Variants in CPSF3 observed in about 807,000 individuals in gnomAD.
CPSF3 encodes cleavage and polyadenylation specificity factor subunit 3.
CPSF3 carries 57 observed loss-of-function variants against 84.1 expected under a neutral mutation model. That is an observed-to-expected ratio of 0.68 (90% confidence interval 0.55 to 0.85). The LOEUF (loss-of-function observed/expected upper bound fraction) is 0.85, where lower values mean the gene tolerates loss of function less well. CPSF3 is among the 40% of genes least tolerant of loss of function. The probability of loss-of-function intolerance (pLI) is 0.00; values close to 1 mark genes in which losing one functional copy is unlikely to be tolerated. For synonymous variants in CPSF3, 275 were observed against 278.1 expected (o/e 0.99, Z 0.11); for missense variants, 522 against 838.8 (o/e 0.62, Z 4.66).
At chr2:9,470,799 A>C (rs1032500426) in intron 16 of CPSF3, among the ~76,000 whole-genome samples, 1 of 152,232 alleles carries the variant, frequency 6.6e-6, no homozygotes, top group Non-Finnish European at 1.5e-5. Context: ...AGGTTAAGAT[A>C]ATGTATATAA....
chr2:9,471,554 G>A (rs113744395), intron 17 of CPSF3, 115 bp downstream of exon 17: 22 of 687,812 alleles, frequency 3.2e-5, no homozygotes, highest in African/African-American at 2.9e-4. Flanking sequence ...TTTGCTTCCA[G>A]TGTTTCCAAC....
intron 15 of CPSF3, among the ~76,000 whole-genome samples, chr2:9,466,178 A>ACGCACACACACACGCGCT (rs1277663627): frequency 9.2e-6 from 1 of 108,744 alleles, no homozygotes; most frequent in East Asian, 2.0e-4. Flanking sequence ...CTGTCTCTAC[A>ACGCACACACACACGCGCT]CGCACACACA....
chr2:9,451,632 C>T lies in CPSF3; in HGVS notation c.1396-1281C>T, dbSNP rs372030117. ...TACAAAAATAAGCCAGGCATGGTGG[C>T]GCACATGGTGAGCGATGATCGCACC... On this transcript the variant is annotated intron_variant, in intron 11 of 17. Transcript: ENST00000238112. Among the ~76,000 whole-genome samples, 33 of 151,896 alleles carry T rather than the reference C, an allele frequency of 2.2e-4. 1 individual carries two copies. The South Asian group carries it at 4.0e-3, about 18-fold the overall frequency.
intron 12 of CPSF3, among the ~76,000 whole-genome samples, chr2:9,454,603 C>T (rs1449156037): frequency 2.2e-5 from 3 of 138,230 alleles, no homozygotes; most frequent in South Asian, 2.3e-4. Flanking sequence ...AGTGCAGTGG[C>T]GTGCCGTCTC....
At chr2:9,461,057 T>C (rs541336526) in intron 15 of CPSF3, among the ~76,000 whole-genome samples, 1 of 152,246 alleles carries the variant, frequency 6.6e-6, no homozygotes, top group East Asian at 1.9e-4. Context: ...GCATCTATAA[T>C]ACAAACAAAT....
intron 10 of CPSF3, among the ~76,000 whole-genome samples, chr2:9,444,140 T>TTTTATA (rs1204625520): frequency 9.2e-5 from 12 of 129,884 alleles, no homozygotes; most frequent in Non-Finnish European, 1.8e-4. Flanking sequence ...AATATATATA[T>TTTTATA]TATATATATA....
At chr2:9,447,887 C>T (rs1681178622) in intron 10 of CPSF3, among the ~76,000 whole-genome samples, 1 of 152,174 alleles carries the variant, frequency 6.6e-6, no homozygotes, top group Admixed American at 6.5e-5. Flanking sequence ...CAGAAGTCAG[C>T]CCTTTACAAC....
At chr2:9,456,887 A>T in intron 13 of CPSF3, 46 bp from the exon 14 acceptor site, 1 of 1,170,320 alleles carries the variant, frequency 8.5e-7, no homozygotes, top group Non-Finnish European at 1.2e-6. Flanking sequence ...TCTCTGGAAG[A>T]TTATCAGAAA....
At chr2:9,466,443 C>A (rs901906599) in intron 15 of CPSF3, among the ~76,000 whole-genome samples, 3 of 152,052 alleles carry the variant, frequency 2.0e-5, no homozygotes, top group Admixed American at 6.5e-5. Context: ...CGCACACACA[C>A]AAAATTAGCT....
chr2:9,445,917 G>A (rs778577353), intron 10 of CPSF3, among the ~76,000 whole-genome samples: 10 of 152,164 alleles, frequency 6.6e-5, no homozygotes, highest in Non-Finnish European at 7.4e-5. Flanking sequence ...ACCATGTGCC[G>A]GACACTGTAT....
intron 17 of CPSF3, among the ~76,000 whole-genome samples, 189 bp downstream of exon 17, chr2:9,471,628 C>A (rs1238685719): frequency 2.0e-5 from 3 of 152,004 alleles, no homozygotes; most frequent in Admixed American, 6.6e-5. Flanking sequence ...TTCCGGGTTA[C>A]TGCATAGTAC....
chr2:9,423,690 T>C lies in CPSF3; in HGVS notation c.-84T>C. ...TCTTGGTGAATGGGGTTCTTCCTTTTTTATTTACCGGTGGCTGTGCTTCCA... is the reference window on the plus strand; with the variant it reads ...TCTTGGTGAATGGGGTTCTTCCTTTCTTATTTACCGGTGGCTGTGCTTCCA... On this transcript the variant is annotated 5_prime_UTR_variant, in exon 1 of 18. Transcript: ENST00000238112. The C allele has an allele frequency of 3.9e-6, 6 of 1,545,128 alleles. No individual in the cohort carries two copies. Among genetic ancestry groups the C allele is most frequent in the Non-Finnish European group, 4.4e-6 (5 of 1,135,218 alleles).
intron 12 of CPSF3, among the ~76,000 whole-genome samples, chr2:9,454,332 C>T (rs1681437461): frequency 6.6e-6 from 1 of 151,956 alleles, no homozygotes; most frequent in Non-Finnish European, 1.5e-5. Context: ...TGCTTGAATG[C>T]AGGAGGCAGA....
At chr2:9,464,403 T>C in intron 15 of CPSF3, among the ~76,000 whole-genome samples, 1 of 152,080 alleles carries the variant, frequency 6.6e-6, no homozygotes. Flanking sequence ...TTTTGATAGT[T>C]TCATAGCCTA....
At chr2:9,455,295 C>T (rs1167279453) in intron 12 of CPSF3, among the ~76,000 whole-genome samples, 1 of 152,132 alleles carries the variant, frequency 6.6e-6, no homozygotes, top group African/African-American at 2.4e-5. Context: ...GCTACCACGC[C>T]TAGCTAATTT....
intron 9 of CPSF3, among the ~76,000 whole-genome samples, chr2:9,442,411 T>C (rs1680983768): frequency 6.6e-6 from 1 of 152,248 alleles, no homozygotes; most frequent in South Asian, 2.1e-4. Flanking sequence ...AGAAAATATA[T>C]GCAGAACTTG....
intron 5 of CPSF3, 117 bp from the exon 6 acceptor site, chr2:9,433,754 A>G (rs931874310): frequency 1.5e-6 from 1 of 680,482 alleles, no homozygotes; most frequent in Non-Finnish European, 2.6e-6. Context: ...TGTAAATTTC[A>G]TCAGTTTTAG....
At chr2:9,455,536 C>T in intron 12 of CPSF3, 123 bp from the exon 13 acceptor site, 1 of 659,618 alleles carries the variant, frequency 1.5e-6, no homozygotes, top group East Asian at 2.8e-5. Context: ...AATTAAGGAG[C>T]ATCTTGTTAG....
rs1680523316 is a variant in CPSF3, at chr2:9,429,954, G to A, written c.146G>A (p.Gly49Glu). The part of the protein sequence containing the change: ...LDCGIHPGLE[G>E]MDALPYIDLI... ...TGTGGGATCCACCCTGGCCTAGAAG[G>A]AATGGATGCTCTTCCTTATATTGAT... is the stretch of plus-strand genomic sequence containing the variant. The change falls in exon 3 of 18, where the codon GGA (glycine) becomes GAA (glutamate). Residue 49 changes from glycine (G) to glutamate (E), a missense_variant. This residue lies in a region of CPSF3 where 329 missense variants were observed against 607.2 expected (regional missense o/e 0.54). Transcript: ENST00000238112. 6.2e-7 allele frequency: 1 copy of A among 1,600,724 alleles called. No homozygotes were observed. The highest frequency in any genetic ancestry group is 8.5e-7 in the Non-Finnish European group (1 of 1,175,374).
Sources: gnomAD v4.1 joint callset for allele counts (sites outside exome capture counted in the v4.1 genomes callset) on GRCh38, gnomAD v4.1.1 for gene constraint, gnomAD v4.1.1 regional missense constraint, MANE v1.5 for transcripts, NCBI Gene and HGNC (gene_info 2026-07-23, HGNC 2026-07-21) for gene names.